Variants in TMEM163 observed in about 807,000 individuals in gnomAD.
TMEM163 encodes transmembrane protein 163.
Under a neutral mutation model 29.3 loss-of-function variants are expected in TMEM163, and 17 were observed. The ratio of observed to expected loss-of-function variants is 0.58; its 90% CI spans 0.40 to 0.87. The LOEUF is 0.87. Ranked by LOEUF, TMEM163 falls within the 40% of genes least tolerant of loss-of-function variation. The probability of loss-of-function intolerance (pLI) is 0.00; values close to 1 mark genes in which losing one functional copy is unlikely to be tolerated. For synonymous variants in TMEM163, 157 were observed against 160.6 expected (o/e 0.98, Z 0.17); for missense variants, 303 against 381.5 (o/e 0.79, Z 1.71).
intron 2 of TMEM163, among the ~76,000 whole-genome samples, chr2:134,573,930 G>A (rs755870481): frequency 2.6e-5 from 4 of 152,122 alleles, no homozygotes; most frequent in African/African-American, 7.2e-5. Flanking sequence ...GTGAACTTCC[G>A]GAGGGACCCA....
chr2:134,470,372 A>G (rs1031661082), intron 5 of TMEM163, among the ~76,000 whole-genome samples: 2 of 151,254 alleles, frequency 1.3e-5, no homozygotes, highest in African/African-American at 4.8e-5. Flanking sequence ...AAAAAAAAAA[A>G]ACTTCATACG....
chr2:134,569,513 AC>A (rs1226287134), intron 2 of TMEM163, among the ~76,000 whole-genome samples: 1 of 152,002 alleles, frequency 6.6e-6, no homozygotes, highest in Admixed American at 6.6e-5. Context: ...ATGAATGAAG[AC>A]CCCCTAGCCA....
chr2:134,556,444 A>G (rs1053620503), intron 2 of TMEM163, among the ~76,000 whole-genome samples: 3 of 152,248 alleles, frequency 2.0e-5, no homozygotes, highest in African/African-American at 7.2e-5. Flanking sequence ...AGGTAACTAA[A>G]TATTCCATAG....
chr2:134,569,875 G>T (rs1681381666), intron 2 of TMEM163, among the ~76,000 whole-genome samples: 1 of 152,172 alleles, frequency 6.6e-6, no homozygotes, highest in Non-Finnish European at 1.5e-5. Context: ...TCTGAGTAGT[G>T]TGATAAAATC....
intron 2 of TMEM163, among the ~76,000 whole-genome samples, chr2:134,652,445 G>A (rs1683502164): frequency 1.1e-5 from 1 of 88,602 alleles, no homozygotes; most frequent in Non-Finnish European, 2.1e-5. Flanking sequence ...GAGATTTTGG[G>A]CTGAGACAAT....
chr2:134,578,057 T>A (rs1279443997), intron 2 of TMEM163, among the ~76,000 whole-genome samples: 2 of 152,112 alleles, frequency 1.3e-5, no homozygotes, highest in East Asian at 3.8e-4. Context: ...TGACTCTACT[T>A]CTATCATAAA....
At chr2:134,593,309 CATT>C (rs1296822248) in intron 2 of TMEM163, among the ~76,000 whole-genome samples, 1 of 152,128 alleles carries the variant, frequency 6.6e-6, no homozygotes, top group Non-Finnish European at 1.5e-5. Flanking sequence ...CTTAAGATTG[CATT>C]AGGAAGCCCC....
chr2:134,472,293 T>A (rs934901252), intron 5 of TMEM163, among the ~76,000 whole-genome samples: 1 of 152,044 alleles, frequency 6.6e-6, no homozygotes, highest in East Asian at 1.9e-4. Flanking sequence ...AAAGGGCTCA[T>A]GGAAATCTAG....
At chr2:134,502,199 A>AT (rs1386038616) in intron 5 of TMEM163, among the ~76,000 whole-genome samples, 1 of 152,210 alleles carries the variant, frequency 6.6e-6, no homozygotes, top group African/African-American at 2.4e-5. Context: ...AGGAGACCAG[A>AT]TTTTGCATTC....
chr2:134,606,920 C>T (rs1172947423), intron 2 of TMEM163, among the ~76,000 whole-genome samples: 6 of 147,916 alleles, frequency 4.1e-5, no homozygotes, highest in East Asian at 1.9e-4. Context: ...GGACAGACCC[C>T]GAGAACTGTG....
At chr2:134,511,160 G>GGGC (rs1553475814) in intron 4 of TMEM163, among the ~76,000 whole-genome samples, 2 of 149,802 alleles carry the variant, frequency 1.3e-5, no homozygotes, top group South Asian at 2.1e-4. Context: ...AGGCGGGGGG[G>GGGC]GGTGCTGTTA....
chr2:134,676,795 A>G (rs757080012), intron 2 of TMEM163, among the ~76,000 whole-genome samples: 8 of 152,242 alleles, frequency 5.3e-5, no homozygotes, highest in Non-Finnish European at 1.0e-4. Flanking sequence ...AATATCATAC[A>G]ATATCATACA....
chr2:134,617,613 AAAATC>A (rs1409766064), intron 2 of TMEM163, among the ~76,000 whole-genome samples: 11 of 152,072 alleles, frequency 7.2e-5, no homozygotes, highest in African/African-American at 2.7e-4. Context: ...AAAAAAAAAA[AAAATC>A]AGAGGAATTA....
intron 2 of TMEM163, among the ~76,000 whole-genome samples, chr2:134,619,325 C>T (rs1682677546): frequency 6.6e-6 from 1 of 152,178 alleles, no homozygotes; most frequent in Non-Finnish European, 1.5e-5. Flanking sequence ...AACCAATGTC[C>T]TTTATGAATG....
At chr2:134,652,940 C>T (rs1574312425) in intron 2 of TMEM163, among the ~76,000 whole-genome samples, 1 of 82,320 alleles carries the variant, frequency 1.2e-5, no homozygotes, top group South Asian at 3.9e-4. Flanking sequence ...CTGCTGGATT[C>T]GTTTTGCCAG....
At chr2:134,621,506 C>T (rs967102859) in intron 2 of TMEM163, among the ~76,000 whole-genome samples, 2 of 152,190 alleles carry the variant, frequency 1.3e-5, no homozygotes, top group African/African-American at 2.4e-5. Flanking sequence ...ACTATACATC[C>T]ATGCAAAGCC....
rs145032767 is a variant in TMEM163 at position 134,703,369 on chromosome 2, G to A, written c.322+9831C>T. Among the ~76,000 whole-genome samples the A allele has an allele frequency of 9.7e-3, 1,482 of 152,158 alleles. 30 individuals carry two copies. Among genetic ancestry groups the A allele is most frequent in the African/African-American group, 0.034 (1,418 of 41,504 alleles). On this transcript the variant is annotated intron_variant, in intron 2 of 7. Coordinates refer to ENST00000281924, the MANE Select transcript of TMEM163 (RefSeq NM_030923.5). ...CTGCATCTGAAAATATCACAGAGAAGCTGAGGTTAGAAAAGAAATGCTGAA... is the reference window on the plus strand; with the variant it reads ...CTGCATCTGAAAATATCACAGAGAAACTGAGGTTAGAAAAGAAATGCTGAA...
At chr2:134,548,592 C>T (rs1409545241) in intron 4 of TMEM163, among the ~76,000 whole-genome samples, 1 of 152,166 alleles carries the variant, frequency 6.6e-6, no homozygotes, top group African/African-American at 2.4e-5. Flanking sequence ...TTGGCTAGAC[C>T]AGCATTAAGT....
intron 2 of TMEM163, among the ~76,000 whole-genome samples, chr2:134,710,120 G>C (rs1296391517): frequency 6.6e-6 from 1 of 152,108 alleles, no homozygotes; most frequent in Admixed American, 6.5e-5. Flanking sequence ...AAGAGTATAA[G>C]AGCAAGCTGC....
Sources: allele counts gnomAD v4.1 joint callset (sites outside exome capture counted in the v4.1 genomes callset), GRCh38; gene constraint gnomAD v4.1.1; transcripts MANE v1.5; gene names NCBI Gene and HGNC (gene_info 2026-07-23, HGNC 2026-07-21).